UVRAG: variants seen among roughly 807,000 people sequenced by gnomAD.
UVRAG encodes UV radiation resistance associated.
A neutral mutation model predicts 78.0 loss-of-function variants in UVRAG; 19 were observed. The observed-to-expected ratio is 0.24, with a 90% CI of 0.17 to 0.36. The LOEUF is 0.36. Ranked by LOEUF, UVRAG falls within the 10% of genes least tolerant of loss-of-function variation. UVRAG has a pLI of 1.00. For synonymous variants in UVRAG, 323 were observed against 324.6 expected (o/e 1.00, Z 0.05); for missense variants, 740 against 853.8 (o/e 0.87, Z 1.66).
chr11:76,118,283 C>T (rs1952221059), intron 14 of UVRAG, among the ~76,000 whole-genome samples: 1 of 152,160 alleles, frequency 6.6e-6, no homozygotes, highest in South Asian at 2.1e-4. Flanking sequence ...TTCTGGCTAA[C>T]ATTAGTTACA....
chr11:76,107,014 T>C (rs1441428077), intron 13 of UVRAG, among the ~76,000 whole-genome samples: 1 of 152,194 alleles, frequency 6.6e-6, no homozygotes, highest in African/African-American at 2.4e-5. Flanking sequence ...TTGCTTTGAT[T>C]GTTTATTTGC....
intron 8 of UVRAG, among the ~76,000 whole-genome samples, chr11:75,987,744 T>C (rs1055224410): frequency 1.2e-4 from 18 of 152,178 alleles, no homozygotes; most frequent in Middle Eastern, 3.4e-3. Context: ...ATTAACTGTT[T>C]TTTTTTTTTG....
At chr11:75,951,633 C>T (rs866902240) in intron 6 of UVRAG, among the ~76,000 whole-genome samples, 20 of 152,316 alleles carry the variant, frequency 1.3e-4, no homozygotes, top group Admixed American at 2.6e-4. Flanking sequence ...CTGCCCACCT[C>T]GGCCTCTCAA....
At chr11:75,849,050 T>C (rs1946095528) in intron 1 of UVRAG, among the ~76,000 whole-genome samples, 1 of 152,104 alleles carries the variant, frequency 6.6e-6, no homozygotes. Context: ...TGGTGGCACA[T>C]GCCTGTAGTC....
intron 14 of UVRAG, among the ~76,000 whole-genome samples, chr11:76,138,427 T>C (rs1952638334): frequency 6.6e-6 from 1 of 152,150 alleles, no homozygotes; most frequent in Non-Finnish European, 1.5e-5. Context: ...CCCTTCACAT[T>C]GTAGTTGGCA....
At chr11:75,868,035 A>G (rs1946571998) in intron 3 of UVRAG, among the ~76,000 whole-genome samples, 1 of 152,226 alleles carries the variant, frequency 6.6e-6, no homozygotes. Flanking sequence ...TTCATCTTAC[A>G]ATGTGAAAAA....
At chr11:76,112,882 A>C (rs1324109649) in intron 13 of UVRAG, among the ~76,000 whole-genome samples, 1 of 151,936 alleles carries the variant, frequency 6.6e-6, no homozygotes, top group Non-Finnish European at 1.5e-5. Flanking sequence ...AAGCACCACC[A>C]TGCCCGGATA....
chr11:75,935,745 G>A (rs1023318156), intron 6 of UVRAG, among the ~76,000 whole-genome samples: 1 of 73,434 alleles, frequency 1.4e-5, no homozygotes, highest in Non-Finnish European at 2.7e-5. Context: ...TTAGAAAGAT[G>A]ATCCCTCAGT....
At chr11:75,932,835 T>C (rs1238927214) in intron 6 of UVRAG, among the ~76,000 whole-genome samples, 1 of 152,122 alleles carries the variant, frequency 6.6e-6, no homozygotes, top group Non-Finnish European at 1.5e-5. Context: ...TACAAGACAT[T>C]AATACAAGAA....
chr11:76,138,086 A>T (rs955069452), intron 14 of UVRAG, among the ~76,000 whole-genome samples: 1 of 152,246 alleles, frequency 6.6e-6, no homozygotes, highest in Non-Finnish European at 1.5e-5. Flanking sequence ...CACCTCTCAA[A>T]GCCTTGGAGT....
At chr11:75,993,137 A>T (rs1041530902) in intron 8 of UVRAG, among the ~76,000 whole-genome samples, 1 of 152,246 alleles carries the variant, frequency 6.6e-6, no homozygotes, top group Non-Finnish European at 1.5e-5. Flanking sequence ...CAGTAAGGAT[A>T]GCTGCTAATA....
In UVRAG at chr11:76,141,158, C is replaced by A. The variant is rs199960445; in HGVS notation, c.1845C>A (p.Gly615=). 35 of 1,614,046 alleles carry A rather than the reference C, an allele frequency of 2.2e-5. No homozygotes were observed. The highest frequency in any genetic ancestry group is 2.7e-5 in the Non-Finnish European group (32 of 1,180,062). ...GGTCCGCCAGTGTCCAGCTTCCAGG[C>A]GAGTTCCACCCAGTCTCAGAAGCTG... The part of the protein sequence containing the change: ...QAGSASVQLP[G]EFHPVSEAEL... The change falls in exon 15 of 15, where the codon GGC becomes GGA. Residue 615 remains glycine (G), a synonymous_variant. Coordinates refer to ENST00000356136, the MANE Select transcript of UVRAG (RefSeq NM_003369.4).
chr11:75,858,772 G>C (rs1946349855), intron 2 of UVRAG, among the ~76,000 whole-genome samples: 1 of 152,118 alleles, frequency 6.6e-6, no homozygotes, highest in African/African-American at 2.4e-5. Flanking sequence ...TTGAATTTTT[G>C]CCACCCTGTT....
chr11:75,862,064 C>T (rs923344764), intron 3 of UVRAG, among the ~76,000 whole-genome samples: 6 of 151,698 alleles, frequency 4.0e-5, no homozygotes, highest in Non-Finnish European at 8.8e-5. Flanking sequence ...TGTACATGTA[C>T]CCTAAAACTT....
intron 12 of UVRAG, among the ~76,000 whole-genome samples, chr11:76,024,882 A>T (rs1465555266): frequency 6.6e-6 from 1 of 152,120 alleles, no homozygotes; most frequent in Non-Finnish European, 1.5e-5. Flanking sequence ...TCAGATCTTC[A>T]TGGGAGATGG....
intron 7 of UVRAG, among the ~76,000 whole-genome samples, chr11:75,975,836 T>C (rs1949227098): frequency 6.6e-6 from 1 of 152,226 alleles, no homozygotes; most frequent in South Asian, 2.1e-4. Flanking sequence ...ACTTCCTCTT[T>C]TCCTAATTGA....
intron 13 of UVRAG, among the ~76,000 whole-genome samples, chr11:76,079,219 C>T (rs550997525): frequency 2.0e-5 from 3 of 152,130 alleles, no homozygotes; most frequent in African/African-American, 7.2e-5. Flanking sequence ...TGCAGTGGCT[C>T]AAGCCTGTAA....
chr11:76,140,142 T>TCTCTCTCTCC (rs1952688614), intron 14 of UVRAG, among the ~76,000 whole-genome samples: 3 of 97,448 alleles, frequency 3.1e-5, no homozygotes, highest in East Asian at 7.4e-4. Context: ...TCTCTCTCTC[T>TCTCTCTCTCC]CTCTCTCCCT....
chr11:76,030,967 G>A (rs183454074), intron 12 of UVRAG, among the ~76,000 whole-genome samples: 2 of 152,312 alleles, frequency 1.3e-5, no homozygotes, highest in Admixed American at 1.3e-4. Flanking sequence ...GGTAGAAACT[G>A]CATCTTACTT....
Sources: allele counts gnomAD v4.1 joint callset (sites outside exome capture counted in the v4.1 genomes callset), GRCh38; gene constraint gnomAD v4.1.1; transcripts MANE v1.5; gene names NCBI Gene and HGNC (gene_info 2026-07-23, HGNC 2026-07-21).